Variants in PRDX4 observed in about 807,000 individuals in gnomAD.
PRDX4 encodes the protein peroxiredoxin 4.
A neutral mutation model predicts 20.5 loss-of-function variants in PRDX4; 12 were observed. The observed-to-expected ratio is 0.58, with a 90% CI of 0.37 to 0.95. The LOEUF (loss-of-function observed/expected upper bound fraction) is 0.95. PRDX4 is among the 40% of genes least tolerant of loss of function. PRDX4 has a pLI of 0.01. For synonymous variants in PRDX4, 99 were observed against 87.5 expected, an observed-to-expected ratio of 1.13 and a Z score of -0.73; for missense variants, 180 against 207.3, an observed-to-expected ratio of 0.87 and a Z score of 0.81.
intron 3 of PRDX4, among the ~76,000 whole-genome samples, chrX:23,677,859 A>G (rs1927978805): frequency 8.9e-6 from 1 of 112,617 alleles, no homozygotes; most frequent in Non-Finnish European, 1.9e-5. Context: ...AGTAAAATAC[A>G]GTAAAGATGT....
chrX:23,677,911 C>T (rs775533401), intron 3 of PRDX4, among the ~76,000 whole-genome samples: 1 of 112,012 alleles, frequency 8.9e-6, no homozygotes, highest in South Asian at 3.6e-4. Flanking sequence ...TTCAACTTTA[C>T]AGTGGGTTTA....
In PRDX4 at chrX:23,679,298, G is replaced by A; in HGVS notation, c.599+11G>A. 4 of 1,187,049 alleles carry A rather than the reference G, an allele frequency of 3.4e-6. No individual in the cohort carries two copies. The highest frequency in any genetic ancestry group is 4.5e-6 in the Non-Finnish European group (4 of 883,366). Reference sequence around the variant, plus strand: ...AGGCCACACTCTTAGGTACCTTTCAGTGGTTTTATATTATGACAAATCCAA... The same window carrying A: ...AGGCCACACTCTTAGGTACCTTTCAATGGTTTTATATTATGACAAATCCAA... On this transcript the variant is annotated intron_variant, in intron 4 of 6. Transcript: ENST00000379341.
chrX:23,667,992 G>A (rs575599008), intron 1 of PRDX4, among the ~76,000 whole-genome samples, 181 bp downstream of exon 1: 26 of 111,970 alleles, frequency 2.3e-4, no homozygotes, highest in East Asian at 8.5e-4. Context: ...TGTGAAGAAA[G>A]GTATGGTTTC....
At chrX:23,681,528 C>A (rs1928068450) in intron 4 of PRDX4, among the ~76,000 whole-genome samples, 1 of 112,116 alleles carries the variant, frequency 8.9e-6, no homozygotes, top group Non-Finnish European at 1.9e-5. Context: ...TGTATTGTAT[C>A]ATGTATTGCT....
intron 6 of PRDX4, chrX:23,685,990 T>C: frequency 2.6e-6 from 1 of 388,252 alleles, no homozygotes; most frequent in South Asian, 2.8e-5. Context: ...TAAATGTGTT[T>C]GACTTAATTA....
chrX:23,668,918 T>A (rs1365262966), intron 1 of PRDX4, among the ~76,000 whole-genome samples: 8 of 38,831 alleles, frequency 2.1e-4, no homozygotes, highest in Admixed American at 3.8e-4. Context: ...CTTTGGGACT[T>A]TTTTTTTTTT....
chrX:23,676,136 CAAAAAAAAAAAAAAAA>C (rs55792240), intron 3 of PRDX4, among the ~76,000 whole-genome samples: 4 of 54,997 alleles, frequency 7.3e-5, no homozygotes, highest in Non-Finnish European at 1.3e-4. Flanking sequence ...AACTCCATCT[CAAAAAAAAAAAAAAAA>C]AAAAAAAAAA....
intron 2 of PRDX4, among the ~76,000 whole-genome samples, chrX:23,673,747 C>T (rs1297052076): frequency 1.3e-5 from 1 of 77,896 alleles, no homozygotes; most frequent in Non-Finnish European, 2.5e-5. Context: ...CAGAGTGAGA[C>T]CCTGCCACAA....
chrX:23,674,808 T>C (rs1216267558), intron 2 of PRDX4, among the ~76,000 whole-genome samples, 182 bp from the exon 3 acceptor site: 3 of 112,276 alleles, frequency 2.7e-5, no homozygotes, highest in Middle Eastern at 4.2e-3. Flanking sequence ...AATATGTTTC[T>C]GTCTTAAATA....
At position 23,675,048 on chromosome X, in the gene PRDX4, T is replaced by C; in HGVS notation, c.418T>C (p.Ser140Pro). The C allele has an allele frequency of 1.7e-6, 2 of 1,211,647 alleles. No homozygotes were observed. Among genetic ancestry groups the C allele is most frequent in the Non-Finnish European group, 2.2e-6 (2 of 895,421 alleles). Residue 140 changes from serine to proline, a missense_variant, in exon 3 of 7, where the codon TCT becomes CCT. Ser to Pro is a moderately conservative substitution (Grantham distance 74). This residue lies in a region of PRDX4 where 105 missense variants were observed against 114.2 expected (regional missense o/e 0.92). Transcript: ENST00000379341. ...AFGDRLEEFRSINTEVVACSV... is the reference protein window; with the variant it reads ...AFGDRLEEFRPINTEVVACSV... ...TGGCGACAGACTTGAAGAATTCAGA[T>C]CTATAAATACTGAAGTGGTAGCATG...
Position 23,682,372 on chromosome X carries a change from C to G in PRDX4, c.600-24C>G, listed in dbSNP as rs189207542. ...CATAAATGAGAAGAAATGACCTCAT[C>G]TCTACCATTCTTCTGTTTTACAGAG... On this transcript the variant is annotated intron_variant, in intron 4 of 6. Coordinates refer to ENST00000379341, the MANE Select transcript of PRDX4 (RefSeq NM_006406.2). 8.2e-6 allele frequency: 9 copies of G among 1,096,897 alleles called. No individual in the cohort carries two copies. The African/African-American group carries it at 1.7e-4, about 21-fold the overall frequency. The allele number at this position is 1,096,897 out of a possible 1,213,427, so 90.4% of individuals were successfully genotyped here.
intron 6 of PRDX4, among the ~76,000 whole-genome samples, chrX:23,684,212 C>T (rs1601794071): frequency 9.2e-6 from 1 of 109,284 alleles, no homozygotes; most frequent in Non-Finnish European, 1.9e-5. Context: ...GAATATGGGG[C>T]GTGATGCTGT....
intron 3 of PRDX4, among the ~76,000 whole-genome samples, chrX:23,676,217 C>A (rs12013793): frequency 0.018 from 1,802 of 98,925 alleles, 37 homozygotes; most frequent in African/African-American, 0.062. Flanking sequence ...ATTAAAGTTA[C>A]AAATTTGAAA....
chrX:23,673,371 G>A (rs932676291), intron 2 of PRDX4, among the ~76,000 whole-genome samples: 8 of 112,475 alleles, frequency 7.1e-5, no homozygotes, highest in Admixed American at 1.9e-4. Context: ...AGTTACAAAC[G>A]TAACCCTTCA....
intron 6 of PRDX4, chrX:23,685,895 C>T (rs1265902370): frequency 5.4e-6 from 1 of 186,618 alleles, no homozygotes; most frequent in Non-Finnish European, 1.1e-5. Context: ...TAGTGAACAC[C>T]TGCCTCCTTT....
intron 3 of PRDX4, among the ~76,000 whole-genome samples, chrX:23,678,801 G>A (rs991350079): frequency 9.0e-6 from 1 of 110,719 alleles, no homozygotes; most frequent in Admixed American, 9.7e-5. Context: ...TAGCCCAGTG[G>A]GATGGTGCAC....
chrX:23,671,779 AG>A lies in PRDX4; in HGVS notation c.359+135del, dbSNP rs772772810. ...CTGAAGTAAAGAAATGTATTTAAAA[AG>A]GTAACATCTACCATATATTTCAGAG... On this transcript the variant is annotated intron_variant, in intron 2 of 6. Transcript: ENST00000379341. 7 of 448,565 alleles carry A rather than the reference AG, an allele frequency of 1.6e-5. No homozygotes were observed. The African/African-American group carries it at 1.7e-4, about 11-fold the overall frequency. 37.0% of individuals were successfully genotyped at this position (448,565 alleles called of 1,213,427 possible). A position where few individuals can be genotyped will look rare whatever the true frequency, so the allele number is the denominator to read the frequency against.
At position 23,667,595 on chromosome X, in the gene PRDX4, G is replaced by A. The variant is rs927394894; in HGVS notation, c.25G>A (p.Ala9Thr). 8.4e-6 allele frequency: 10 copies of A among 1,190,785 alleles called. No individual in the cohort carries two copies. Among genetic ancestry groups the A allele is most frequent in the Non-Finnish European group, 9.0e-6 (8 of 885,800 alleles). MEALPLLA[A>T]TTPDHGRHRR... ...CATGGAGGCGCTGCCGCTGCTAGCC[G>A]CGACAACTCCGGACCACGGCCGCCA... Residue 9 changes from alanine to threonine, a missense_variant, in exon 1 of 7, where the codon GCG (alanine) becomes ACG (threonine). Ala to Thr is a moderately conservative substitution (Grantham distance 58). Around this residue, in one of 3 missense-constraint regions of PRDX4, gnomAD observed 105 missense variants for 114.2 expected, o/e 0.92. Transcript: ENST00000379341.
chrX:23,686,152 AT>A, intron 6 of PRDX4, 132 bp from the exon 7 acceptor site: 1 of 474,140 alleles, frequency 2.1e-6, no homozygotes. Context: ...GACAAATCTC[AT>A]TTTTTTCTAA....
Sources: gnomAD v4.1 joint callset for allele counts (sites outside exome capture counted in the v4.1 genomes callset) on GRCh38, gnomAD v4.1.1 for gene constraint, gnomAD v4.1.1 regional missense constraint, MANE v1.5 for transcripts, NCBI Gene and HGNC (gene_info 2026-07-23, HGNC 2026-07-21) for gene names.